The following KIF17 variants were observed in gnomAD, a reference collection of about 807,000 sequenced individuals.
KIF17 encodes kinesin family member 17, also known as kinesin-like protein KIF17.
Under a neutral mutation model 96.8 loss-of-function variants are expected in KIF17, and 80 were observed. The observed-to-expected ratio is 0.83, with a 90% confidence interval of 0.69 to 1.00. The LOEUF is 1.00. KIF17 is among the 50% of genes least tolerant of loss of function. KIF17 has a pLI of 0.00. For missense variants in KIF17, 1,280 were observed against 1,372.9 expected (o/e 0.93, Z 1.07); for synonymous variants, 567 against 587.5 (o/e 0.97, Z 0.51).
At chr1:20,669,508 C>T (rs2053598658) in intron 13 of KIF17, among the ~76,000 whole-genome samples, 1 of 148,874 alleles carries the variant, frequency 6.7e-6, no homozygotes, top group African/African-American at 2.5e-5. Flanking sequence ...TGCACTCTAG[C>T]ATGGGCGACA....
chr1:20,692,660 T>C (rs2054062022), intron 6 of KIF17: 1 of 152,330 alleles, frequency 6.6e-6, no homozygotes, highest in Non-Finnish European at 1.5e-5. Context: ...TCTGTGTGTG[T>C]GCTCATGAAT....
In KIF17 at chr1:20,717,743, C is replaced by T; in HGVS notation, c.-37G>A. The stretch of plus-strand genomic sequence containing the variant: ...CAGGACCAACGGGACCAGAGCTGAC[C>T]CCCGCCCCGCCGGGGACTCCCAGCA... On this transcript the variant is annotated 5_prime_UTR_variant, in exon 1 of 15. Transcript: ENST00000400463. 4.6e-6 allele frequency: 7 copies of T among 1,513,254 alleles called. No homozygotes were observed. Among genetic ancestry groups the T allele is most frequent in the Non-Finnish European group, 6.2e-6 (7 of 1,137,970 alleles). The allele number at this position is 1,513,254 out of a possible 1,614,324, so 93.7% of individuals were successfully genotyped here. A position where few individuals can be genotyped will look rare whatever the true frequency, so the allele number is the denominator to read the frequency against.
chr1:20,687,176 C>A lies in KIF17; in HGVS notation c.1938+212G>T, dbSNP rs2053952701. On this transcript the variant is annotated intron_variant, in intron 8 of 14. Transcript: ENST00000400463. The surrounding 1 kb of genome is among the most constrained non-coding windows in gnomAD (Gnocchi z 4.4). ...CGACCCCAACTTTCTTATTGAATTA[C>A]AGAGCATGAGACAGAGCTTCTCCTT... Among the ~76,000 whole-genome samples, 1 of 152,226 alleles carries A rather than the reference C, an allele frequency of 6.6e-6. No individual in the cohort carries two copies. The highest frequency in any genetic ancestry group is 2.4e-5 in the African/African-American group (1 of 41,458).
At chr1:20,696,256 G>A (rs2054136628) in intron 6 of KIF17, among the ~76,000 whole-genome samples, 1 of 152,128 alleles carries the variant, frequency 6.6e-6, no homozygotes, top group Admixed American at 6.5e-5. Context: ...GAATGGTTCT[G>A]GAATACAAAG....
Position 20,672,167 on chromosome 1 carries a change from A to C in KIF17, c.2493T>G (p.Asp831Glu), listed in dbSNP as rs1026200394. 3.7e-6 allele frequency: 6 copies of C among 1,614,136 alleles called. No homozygotes were observed. The highest frequency in any genetic ancestry group is 5.1e-6 in the Non-Finnish European group (6 of 1,180,044). The change falls in exon 12 of 15, where the codon GAT becomes GAG. Residue 831 changes from aspartate to glutamate, a missense_variant. By Grantham distance (45) the Asp-to-Glu change is conservative. Transcript: ENST00000400463. The surrounding 1 kb of genome is among the most constrained non-coding windows in gnomAD (Gnocchi z 4.3). ...KLRAAEVEIKDLQSEFQLEKI... is the reference protein window; with the variant it reads ...KLRAAEVEIKELQSEFQLEKI... ...TCTCCAGCTGAAACTCGGACTGCAG[A>C]TCTTTGATCTCCACCTCTGCTGCCC...
chr1:20,693,820 T>C (rs599604), intron 6 of KIF17: 81,839 of 151,654 alleles, frequency 0.54, 23,022 homozygotes, highest in East Asian at 0.79. Context: ...TGGGTGTGAA[T>C]GGGTGTGAAT....
Position 20,713,542 on chromosome 1 carries a change from G to C in KIF17, c.392C>G (p.Thr131Ser). Reference protein sequence around the residue: ...VFESVQCAENTKFLVRASYLE... With the variant: ...VFESVQCAENSKFLVRASYLE... The stretch of plus-strand genomic sequence containing the variant: ...GTAGGAGGCCCGGACCAGGAACTTA[G>C]TGTTCTCTGCACACTGCAGGGAGTA... Residue 131 changes from threonine (T) to serine (S), a missense_variant, in exon 3 of 15, where the codon ACT becomes AGT. Transcript: ENST00000400463. 6.2e-7 allele frequency: 1 copy of C among 1,612,618 alleles called. No homozygotes were observed. The highest frequency in any genetic ancestry group is 8.5e-7 in the Non-Finnish European group (1 of 1,179,510).
chr1:20,686,052 G>A lies in KIF17; in HGVS notation c.2013C>T (p.Pro671=). ...PEAEAADDFP[P]RPEVDLASEV... ...GGCCCGGGGAGGTACTCACAGGCCT[G>A]GGCGGGAAGTCATCAGCCGCCTCGG... Residue 671 remains proline (P), a synonymous_variant, in exon 9 of 15, where the codon CCC becomes CCT. Transcript: ENST00000400463. 3 of 1,555,910 alleles carry A rather than the reference G, an allele frequency of 1.9e-6. No individual in the cohort carries two copies. Among genetic ancestry groups the A allele is most frequent in the Non-Finnish European group, 2.6e-6 (3 of 1,149,224 alleles).
intron 5 of KIF17, among the ~76,000 whole-genome samples, chr1:20,701,327 A>G (rs2054231407): frequency 6.6e-6 from 1 of 152,166 alleles, no homozygotes; most frequent in African/African-American, 2.4e-5. Flanking sequence ...GCTACTTGGG[A>G]GGCTGAGGCA....
rs2054200886 is a variant in KIF17, at chr1:20,699,726, C to T, written c.1124-1238G>A. Among the ~76,000 whole-genome samples, 2 of 152,026 alleles carry T rather than the reference C, an allele frequency of 1.3e-5. No individual in the cohort carries two copies. Among genetic ancestry groups the T allele is most frequent in the Non-Finnish European group, 2.9e-5 (2 of 68,014 alleles). ...AGGGGGAGCGGTGAGTGCGAGGGCC[C>T]TGAGGCGGTTGTGAGACTGCACTGT... is the stretch of plus-strand genomic sequence containing the variant. On this transcript the variant is annotated intron_variant, in intron 5 of 14. Coordinates refer to ENST00000400463, the MANE Select transcript of KIF17 (RefSeq NM_001122819.3). The surrounding 1 kb of genome is among the most constrained non-coding windows in gnomAD (Gnocchi z 4.3).
chr1:20,690,347 G>GCC lies in KIF17; in HGVS notation c.1234-13_1234-12insGG. 7.6e-7 allele frequency: 1 copy of GCC among 1,323,484 alleles called. No homozygotes were observed. Among genetic ancestry groups the GCC allele is most frequent in the Non-Finnish European group, 1.0e-6 (1 of 953,998 alleles). 82.0% of individuals were successfully genotyped at this position (1,323,484 alleles called of 1,614,324 possible). A position where few individuals can be genotyped will look rare whatever the true frequency, so the allele number is the denominator to read the frequency against. On this transcript the variant is annotated splice_polypyrimidine_tract_variant and intron_variant, in intron 6 of 14. Transcript: ENST00000400463. Reference sequence around the variant, plus strand: ...CGCTCTTCATACTCCTGGGGGGGTGGGAGGGACCAGAGGGCAGGCAGCATT... The same window carrying GCC: ...CGCTCTTCATACTCCTGGGGGGGTGGCCGAGGGACCAGAGGGCAGGCAGCATT...
downstream of KIF17, among the ~76,000 whole-genome samples, chr1:20,663,321 T>C (rs2053469460): frequency 6.6e-6 from 1 of 152,194 alleles, no homozygotes; most frequent in Non-Finnish European, 1.5e-5. Flanking sequence ...TCTGTAGTTG[T>C]CTAAACACCC....
chr1:20,670,415 C>G lies in KIF17; in HGVS notation c.2790+6G>C, dbSNP rs776477456. The G allele has an allele frequency of 1.9e-6, 3 of 1,613,682 alleles. No individual in the cohort carries two copies. Among genetic ancestry groups the G allele is most frequent in the Non-Finnish European group, 2.5e-6 (3 of 1,179,986 alleles). ...GACACCCCACTCCCTCTCCCGCGGT[C>G]CTCACCATGTTCGGCTCGCCATTGT... On this transcript the variant is annotated splice_donor_region_variant and intron_variant, in intron 13 of 14. Coordinates refer to ENST00000400463, the MANE Select transcript of KIF17 (RefSeq NM_001122819.3).
At position 20,715,648 on chromosome 1, in the gene KIF17, G is replaced by T. The variant is rs766724918; in HGVS notation, c.232-9C>A. 10 of 1,613,786 alleles carry T rather than the reference G, an allele frequency of 6.2e-6. No homozygotes were observed. Among genetic ancestry groups the T allele is most frequent in the Non-Finnish European group, 8.5e-6 (10 of 1,180,024 alleles). On this transcript the variant is annotated splice_polypyrimidine_tract_variant and intron_variant, in intron 1 of 14. Coordinates refer to ENST00000400463, the MANE Select transcript of KIF17 (RefSeq NM_001122819.3). Reference sequence around the variant, plus strand: ...TAGCCCTCAGTGACGCCCTGCATGGGAGGAAGGCAGGACCCCGTGCTCAGT... The same window carrying T: ...TAGCCCTCAGTGACGCCCTGCATGGTAGGAAGGCAGGACCCCGTGCTCAGT...
intron 13 of KIF17, among the ~76,000 whole-genome samples, chr1:20,669,185 G>C (rs1288037094): frequency 6.6e-6 from 1 of 152,136 alleles, no homozygotes; most frequent in African/African-American, 2.4e-5. Flanking sequence ...TGGGCCTCTG[G>C]TGGCTGCTGG....
rs145153675 is a variant in KIF17, at chr1:20,682,690, C to T, written c.2426G>A (p.Arg809Gln). 41 of 1,613,908 alleles carry T rather than the reference C, an allele frequency of 2.5e-5. 1 individual carries two copies. The highest frequency in any genetic ancestry group is 8.0e-5 in the African/African-American group (6 of 74,922). ...NVYDSIQEEV[R>Q]AKSKLLEKMQ... ...CTTCTCCAGCAGCTTGCTCTTGGCCCGCACTTCCTCCTGGATGGAGTCGTA... is the reference window on the plus strand; with the variant it reads ...CTTCTCCAGCAGCTTGCTCTTGGCCTGCACTTCCTCCTGGATGGAGTCGTA... Residue 809 changes from arginine to glutamine, a missense_variant, in exon 11 of 15, where the codon CGG (arginine) becomes CAG (glutamine). Transcript: ENST00000400463.
Position 20,685,943 on chromosome 1 carries a change from G to T in KIF17, c.2019+103C>A. On this transcript the variant is annotated intron_variant, in intron 9 of 14. Coordinates refer to ENST00000400463, the MANE Select transcript of KIF17 (RefSeq NM_001122819.3). The surrounding 1 kb of genome is among the most constrained non-coding windows in gnomAD (Gnocchi z 4.1). ...GCTGGAGTTGTTGTTCTCAGCTCAT[G>T]GATGAGGAAACTGAAGCTCAGGGAG... 1.0e-6 allele frequency: 1 copy of T among 1,001,306 alleles called. No homozygotes were observed. Among genetic ancestry groups the T allele is most frequent in the Non-Finnish European group, 1.5e-6 (1 of 646,648 alleles). 62.0% of individuals were successfully genotyped at this position (1,001,306 alleles called of 1,614,324 possible). A position where few individuals can be genotyped will look rare whatever the true frequency, so the allele number is the denominator to read the frequency against.
chr1:20,683,392 C>T (rs1408377114), intron 10 of KIF17, among the ~76,000 whole-genome samples: 2 of 152,190 alleles, frequency 1.3e-5, no homozygotes, highest in Admixed American at 1.3e-4. Flanking sequence ...CAGTGGCTCA[C>T]GCCTGTAATC....
rs1416867228 is a variant in KIF17, at chr1:20,687,140, A to C, written c.1938+248T>G. Among the ~76,000 whole-genome samples, 1 of 152,182 alleles carries C rather than the reference A, an allele frequency of 6.6e-6. No individual in the cohort carries two copies. Among genetic ancestry groups the C allele is most frequent in the Non-Finnish European group, 1.5e-5 (1 of 68,042 alleles). On this transcript the variant is annotated intron_variant, in intron 8 of 14. Transcript: ENST00000400463. This position sits in a 1 kb window ranked among gnomAD's most constrained non-coding sequence, Gnocchi z 4.4. ...GCAGAACGGGAGCCCACCTGGCATA[A>C]CCTTGCATCGCGACCCCAACTTTCT... is the stretch of plus-strand genomic sequence containing the variant.
Sources: allele counts gnomAD v4.1 joint callset (sites outside exome capture counted in the v4.1 genomes callset), GRCh38; gene constraint gnomAD v4.1.1; non-coding constraint Gnocchi (gnomAD v3.1); transcripts MANE v1.5; gene names NCBI Gene and HGNC (gene_info 2026-07-23, HGNC 2026-07-21).